ATRX: variants seen among roughly 807,000 people sequenced by gnomAD.
The protein encoded by ATRX is ATRX chromatin remodeler, also known as chromatin remodeler ATRX.
In ATRX, 12 loss-of-function variants were observed where a neutral mutation model predicts 172.6. That is an observed-to-expected ratio of 0.07 (90% confidence interval 0.04 to 0.11). ATRX has a LOEUF of 0.11. ATRX is among the 10% of genes least tolerant of loss of function. The probability of loss-of-function intolerance (pLI) is 1.00; values close to 1 mark genes in which losing one functional copy is unlikely to be tolerated. For missense variants in ATRX, 1,368 were observed against 1,767.4 expected, an observed-to-expected ratio of 0.77 and a Z score of 4.05; for synonymous variants, 674 against 594.7, an observed-to-expected ratio of 1.13 and a Z score of -1.94.
chrX:77,571,054 A>G (rs1329320119), intron 28 of ATRX, among the ~76,000 whole-genome samples: 1 of 109,993 alleles, frequency 9.1e-6, no homozygotes, highest in Non-Finnish European at 1.9e-5. Context: ...AAAAACAGTG[A>G]TAATAGCAAA....
chrX:77,648,744 T>C (rs1398921754), intron 15 of ATRX, among the ~76,000 whole-genome samples: 6 of 107,822 alleles, frequency 5.6e-5, no homozygotes, highest in Non-Finnish European at 9.6e-5. Context: ...CAAAGTATAA[T>C]GAAAGACTAT....
chrX:77,545,388 G>C (rs782715154), intron 30 of ATRX, among the ~76,000 whole-genome samples: 1 of 111,577 alleles, frequency 9.0e-6, no homozygotes, highest in South Asian at 3.7e-4. Flanking sequence ...CACACACACA[G>C]ACATCCCTGG....
chrX:77,622,797 C>T (rs782454053), intron 19 of ATRX, among the ~76,000 whole-genome samples: 2 of 110,498 alleles, frequency 1.8e-5, no homozygotes, highest in South Asian at 7.8e-4. Flanking sequence ...GGGTGCGGTA[C>T]ACCATGGGAG....
At chrX:77,594,935 C>A (rs1360811539) in intron 25 of ATRX, 1 of 111,958 alleles carries the variant, frequency 8.9e-6, no homozygotes, top group African/African-American at 3.2e-5. Flanking sequence ...TAGTATTCCA[C>A]TGCATGAATA....
intron 30 of ATRX, 128 bp downstream of exon 30, chrX:77,557,323 A>T: frequency 1.6e-6 from 1 of 631,267 alleles, no homozygotes; most frequent in Non-Finnish European, 2.5e-6. Context: ...AAAATTCATT[A>T]AATATCATTT....
intron 2 of ATRX, among the ~76,000 whole-genome samples, chrX:77,716,294 G>C (rs2073396520): frequency 2.5e-5 from 1 of 39,774 alleles, no homozygotes; most frequent in East Asian, 8.0e-4. Context: ...GCAAGACCTC[G>C]TCTCTTTAAA....
chrX:77,718,068 C>A (rs1202141615), intron 1 of ATRX, among the ~76,000 whole-genome samples: 1 of 111,171 alleles, frequency 9.0e-6, no homozygotes, highest in Non-Finnish European at 1.9e-5. Flanking sequence ...GAAATCAAAA[C>A]ATAGATGTAG....
intron 15 of ATRX, among the ~76,000 whole-genome samples, 170 bp from the exon 16 acceptor site, chrX:77,636,226 C>T (rs2068342985): frequency 8.9e-6 from 1 of 111,880 alleles, no homozygotes; most frequent in African/African-American, 3.2e-5. Flanking sequence ...AATTGTAATC[C>T]CCAATGTTGG....
rs1169621133 is a variant in ATRX at position 77,717,156 on chromosome X, TGGA to T, written c.105_107del (p.Pro36del). Reference sequence around the variant, plus strand: ...CTGTGTTTTGATTCATTGCAAGTCGTGGAGGAGAACTTGTTTCTTCAGATTCTT... The same window carrying T: ...CTGTGTTTTGATTCATTGCAAGTCGTGGAGAACTTGTTTCTTCAGATTCTT... On this transcript the variant is annotated inframe_deletion, in exon 2 of 35. Coordinates refer to ENST00000373344, the MANE Select transcript of ATRX (RefSeq NM_000489.6). 3 of 1,206,970 alleles carry T rather than the reference TGGA, an allele frequency of 2.5e-6. No homozygotes were observed. The highest frequency in any genetic ancestry group is 3.0e-5 in the East Asian group (1 of 33,748).
At chrX:77,568,941 G>A (rs1486489100) in intron 28 of ATRX, among the ~76,000 whole-genome samples, 2 of 111,064 alleles carry the variant, frequency 1.8e-5, no homozygotes, top group East Asian at 5.6e-4. Context: ...GAATAGAGGG[G>A]AACCACCTCA....
chrX:77,783,346 G>A (rs1312630678), intron 1 of ATRX, among the ~76,000 whole-genome samples: 2 of 111,888 alleles, frequency 1.8e-5, no homozygotes, highest in East Asian at 5.6e-4. Context: ...AATGCCAGAA[G>A]CAAGTCAATC....
At chrX:77,630,280 G>A (rs782207438) in intron 19 of ATRX, among the ~76,000 whole-genome samples, 3 of 111,983 alleles carry the variant, frequency 2.7e-5, no homozygotes, top group Non-Finnish European at 5.6e-5. Flanking sequence ...TGTTCATGGA[G>A]GGGAAGATTT....
chrX:77,553,398 C>T (rs2064637879), intron 30 of ATRX, among the ~76,000 whole-genome samples: 2 of 111,567 alleles, frequency 1.8e-5, no homozygotes, highest in Admixed American at 1.9e-4. Flanking sequence ...ATCCATCCTC[C>T]ACACTGATAC....
At chrX:77,685,513 G>C (rs2071500824) in intron 7 of ATRX, among the ~76,000 whole-genome samples, 1 of 111,830 alleles carries the variant, frequency 8.9e-6, no homozygotes, top group Non-Finnish European at 1.9e-5. Context: ...AGTTAAAATG[G>C]CTTATATCCA....
intron 6 of ATRX, among the ~76,000 whole-genome samples, chrX:77,690,424 C>T (rs1414866330): frequency 1.8e-5 from 2 of 111,778 alleles, no homozygotes; most frequent in African/African-American, 3.3e-5. Flanking sequence ...GAAAAGTAAA[C>T]TTGAAGGTTT....
In ATRX at chrX:77,683,050, C is replaced by G. The variant is rs2148604214; in HGVS notation, c.2206G>C (p.Ala736Pro). Residue 736 changes from alanine to proline, a missense_variant, in exon 9 of 35, where the codon GCA becomes CCA. This residue lies in a region of ATRX where 843 missense variants were observed against 643.1 expected (regional missense o/e 1.31). Transcript: ENST00000373344. ...ATCCTGCTCACCTCTTTGAGGATTG[C>G]TAGCATTTCATCAGAATCTGAATTT... ...DQNSDSDEML[A>P]ILKEVSRMSH... 1 of 1,210,598 alleles carries G rather than the reference C, an allele frequency of 8.3e-7. No individual in the cohort carries two copies. Among genetic ancestry groups the G allele is most frequent in the Non-Finnish European group, 1.1e-6 (1 of 894,822 alleles).
At chrX:77,650,134 C>T (rs1417305988) in intron 15 of ATRX, among the ~76,000 whole-genome samples, 3 of 111,758 alleles carry the variant, frequency 2.7e-5, no homozygotes, top group African/African-American at 9.8e-5. Flanking sequence ...AAACCAACAA[C>T]GTAATACTAT....
intron 20 of ATRX, among the ~76,000 whole-genome samples, chrX:77,619,620 T>C (rs2067498852): frequency 9.0e-6 from 1 of 110,997 alleles, no homozygotes; most frequent in Non-Finnish European, 1.9e-5. Flanking sequence ...TTTCTATAAA[T>C]AGGGTAACAG....
At chrX:77,629,835 T>G (rs944096910) in intron 19 of ATRX, among the ~76,000 whole-genome samples, 1 of 111,901 alleles carries the variant, frequency 8.9e-6, no homozygotes, top group African/African-American at 3.2e-5. Flanking sequence ...TTCGACATTG[T>G]ATGGAAATTT....
Sources: allele counts gnomAD v4.1 joint callset (sites outside exome capture counted in the v4.1 genomes callset), GRCh38; gene constraint gnomAD v4.1.1; regional missense constraint gnomAD v4.1.1; transcripts MANE v1.5; gene names NCBI Gene and HGNC (gene_info 2026-07-23, HGNC 2026-07-21).